The following RALA variants were observed in gnomAD, a reference collection of about 807,000 sequenced individuals.
RALA encodes ras-related protein Ral-A.
In RALA, 5 loss-of-function variants were observed where a neutral mutation model predicts 24.0. The observed-to-expected ratio is 0.21, with a 90% CI of 0.11 to 0.44. The LOEUF (loss-of-function observed/expected upper bound fraction) is 0.44. Among genes scored for constraint, RALA ranks in the 20% least tolerant of loss-of-function variants. RALA has a pLI of 0.99. For missense variants in RALA, 95 were observed against 241.2 expected, an observed-to-expected ratio of 0.39 and a Z score of 4.01; for synonymous variants, 77 against 83.8, an observed-to-expected ratio of 0.92 and a Z score of 0.44.
At chr7:39,697,320 C>G in intron 4 of RALA, 1 of 455,944 alleles carries the variant, frequency 2.2e-6, no homozygotes, top group Admixed American at 2.3e-5. Flanking sequence ...CTCTCCACTC[C>G]CCACCCTCAA....
At chr7:39,624,134 A>C (rs1316631180) in intron 1 of RALA, 1 of 151,990 alleles carries the variant, frequency 6.6e-6, no homozygotes, top group Non-Finnish European at 1.5e-5. Context: ...ACGGCGCCCA[A>C]GTTCCCGCCC....
rs1255221380 is a variant in RALA, at chr7:39,690,432, A to G, written c.165A>G (p.Val55=). The G allele has an allele frequency of 6.2e-7, 1 of 1,614,110 alleles. No individual in the cohort carries two copies. The highest frequency in any genetic ancestry group is 1.3e-5 in the African/African-American group (1 of 75,066). Residue 55 remains valine, a synonymous_variant, in exon 3 of 5, where the codon GTA becomes GTG. Transcript: ENST00000005257. ...PTKADSYRKK[V]VLDGEEVQID... ...AAGCAGACAGCTATCGGAAGAAGGTAGTGCTAGATGGGGAGGAAGTCCAGA... is the reference window on the plus strand; with the variant it reads ...AAGCAGACAGCTATCGGAAGAAGGTGGTGCTAGATGGGGAGGAAGTCCAGA...
At chr7:39,671,339 G>A (rs1000448796) in intron 1 of RALA, among the ~76,000 whole-genome samples, 1 of 152,058 alleles carries the variant, frequency 6.6e-6, no homozygotes, top group African/African-American at 2.4e-5. Context: ...TGTCTTTCAA[G>A]TCTCAGCCAT....
At chr7:39,650,732 C>T (rs1414197031) in intron 1 of RALA, among the ~76,000 whole-genome samples, 1 of 152,202 alleles carries the variant, frequency 6.6e-6, no homozygotes, top group African/African-American at 2.4e-5. Context: ...TTTATTACCA[C>T]AGTTCCTGTG....
In RALA at chr7:39,679,762, G is replaced by A. The variant is rs139896098; in HGVS notation, c.-37-6869G>A. Among the ~76,000 whole-genome samples the A allele has an allele frequency of 6.8e-4, 103 of 152,106 alleles. 3 individuals carry two copies. The East Asian group carries it at 0.019, about 28-fold the overall frequency. On this transcript the variant is annotated intron_variant, in intron 1 of 4. Coordinates refer to ENST00000005257, the MANE Select transcript of RALA (RefSeq NM_005402.4). The stretch of plus-strand genomic sequence containing the variant: ...CAGACTCTCTGTTGCCCAGGCTGGA[G>A]TGCAATGGCGCAGTCTTGGCTCACT...
chr7:39,629,965 G>A (rs11769987), intron 1 of RALA, among the ~76,000 whole-genome samples: 69,060 of 151,972 alleles, frequency 0.45, 16,517 homozygotes, highest in Non-Finnish European at 0.52. Flanking sequence ...TCCTGACCTC[G>A]TGATCCGTCC....
intron 1 of RALA, among the ~76,000 whole-genome samples, chr7:39,631,168 C>G (rs917562573): frequency 6.6e-6 from 1 of 151,914 alleles, no homozygotes; most frequent in Non-Finnish European, 1.5e-5. Context: ...CCACCATGCC[C>G]AGCTTATTTT....
At chr7:39,662,796 C>T (rs564726362) in intron 1 of RALA, among the ~76,000 whole-genome samples, 6 of 152,306 alleles carry the variant, frequency 3.9e-5, no homozygotes, top group South Asian at 2.1e-4. Flanking sequence ...GTTCCAAAGT[C>T]GCTTCCACAT....
At chr7:39,649,789 TG>T (rs1791990342) in intron 1 of RALA, among the ~76,000 whole-genome samples, 1 of 151,994 alleles carries the variant, frequency 6.6e-6, no homozygotes, top group Non-Finnish European at 1.5e-5. Context: ...AAGAGATGGA[TG>T]GAAAAAGAGA....
At chr7:39,641,959 T>C (rs1031868519) in intron 1 of RALA, among the ~76,000 whole-genome samples, 11 of 152,228 alleles carry the variant, frequency 7.2e-5, no homozygotes, top group Non-Finnish European at 1.3e-4. Flanking sequence ...TGAAAATTAA[T>C]TGCAGAATTG....
chr7:39,654,726 T>C (rs762239372), intron 1 of RALA, among the ~76,000 whole-genome samples: 2 of 152,166 alleles, frequency 1.3e-5, no homozygotes, highest in Non-Finnish European at 2.9e-5. Flanking sequence ...ATATGGTGTA[T>C]ATGTGAATCT....
chr7:39,668,690 C>A (rs1201258751), intron 1 of RALA, among the ~76,000 whole-genome samples: 1 of 149,572 alleles, frequency 6.7e-6, no homozygotes, highest in Non-Finnish European at 1.5e-5. Context: ...CCCAGCTACT[C>A]GGGAAGCTGA....
At chr7:39,661,324 C>T (rs1051446406) in intron 1 of RALA, among the ~76,000 whole-genome samples, 1 of 152,194 alleles carries the variant, frequency 6.6e-6, no homozygotes, top group Non-Finnish European at 1.5e-5. Context: ...GCCTTCCCAA[C>T]AGTCCCTCAA....
At chr7:39,696,114 A>G (rs1379549530) in intron 3 of RALA, among the ~76,000 whole-genome samples, 1 of 152,218 alleles carries the variant, frequency 6.6e-6, no homozygotes, top group Non-Finnish European at 1.5e-5. Context: ...TTTAAAATTG[A>G]TGACACTTTC....
rs1008268574 is a variant in RALA, at chr7:39,707,891, T to C, written c.*1646T>C. 6 of 152,644 alleles carry C rather than the reference T, an allele frequency of 3.9e-5. No individual in the cohort carries two copies. The highest frequency in any genetic ancestry group is 1.2e-4 in the African/African-American group (5 of 41,464). The allele number at this position is 152,644 out of a possible 1,614,324, so 9.5% of individuals were successfully genotyped here. The stretch of plus-strand genomic sequence containing the variant: ...GGAATTCAAGTTACCAATGTAACAC[T>C]GGCCAGCGGGCCCAGCAATCTCCAT... On this transcript the variant is annotated 3_prime_UTR_variant, in exon 5 of 5. Transcript: ENST00000005257.
intron 2 of RALA, 129 bp downstream of exon 2, chr7:39,686,910 G>A: frequency 1.5e-6 from 1 of 657,714 alleles, no homozygotes; most frequent in Non-Finnish European, 2.5e-6. Flanking sequence ...TTTCATTTTT[G>A]TGTTTAGAGC....
chr7:39,685,664 G>A (rs1792686325), intron 1 of RALA, among the ~76,000 whole-genome samples: 1 of 151,190 alleles, frequency 6.6e-6, no homozygotes, highest in African/African-American at 2.4e-5. Context: ...GAAAAGTGAA[G>A]GCATGCTAGA....
At chr7:39,639,733 T>C (rs907165549) in intron 1 of RALA, among the ~76,000 whole-genome samples, 8 of 152,254 alleles carry the variant, frequency 5.3e-5, no homozygotes, top group Middle Eastern at 3.4e-3. Flanking sequence ...CTTTTTCCAG[T>C]TCAGGCTCTT....
Position 39,704,088 on chromosome 7 carries a change from C to T in RALA, c.499-2035C>T, listed in dbSNP as rs1276065467. On this transcript the variant is annotated intron_variant, in intron 4 of 4. Coordinates refer to ENST00000005257, the MANE Select transcript of RALA (RefSeq NM_005402.4). Reference sequence around the variant, plus strand: ...GGCTGAGGCAGGAGAATCTCTTGAACCCGGGAGGCAGAGGTTGCAGTGAGC... The same window carrying T: ...GGCTGAGGCAGGAGAATCTCTTGAATCCGGGAGGCAGAGGTTGCAGTGAGC... 2.0e-5 allele frequency among the ~76,000 whole-genome samples: 3 copies of T among 149,668 alleles called. No individual in the cohort carries two copies. In the East Asian group the frequency reaches 6.0e-4, roughly 30 times the overall value.
Sources: allele counts gnomAD v4.1 joint callset (sites outside exome capture counted in the v4.1 genomes callset), GRCh38; gene constraint gnomAD v4.1.1; transcripts MANE v1.5; gene names NCBI Gene and HGNC (gene_info 2026-07-23, HGNC 2026-07-21).